Variants in PALLD observed in about 807,000 individuals in gnomAD.
PALLD encodes palladin.
PALLD carries 61 observed loss-of-function variants against 123.5 expected under a neutral mutation model. The observed-to-expected ratio is 0.49, with a 90% CI of 0.40 to 0.61. The LOEUF is 0.61. Among genes scored for constraint, PALLD ranks in the 20% least tolerant of loss-of-function variants. PALLD has a pLI of 0.00. For synonymous variants in PALLD, 465 were observed against 496.4 expected (o/e 0.94, Z 0.84); for missense variants, 1,273 against 1,377.0 (o/e 0.92, Z 1.20).
At chr4:168,551,077 A>G (rs1766681525) in intron 2 of PALLD, among the ~76,000 whole-genome samples, 1 of 152,198 alleles carries the variant, frequency 6.6e-6, no homozygotes, top group Non-Finnish European at 1.5e-5. Flanking sequence ...TATAATTTTT[A>G]TACCCCTGAA....
chr4:168,889,506 A>T (rs1753860094), intron 10 of PALLD, among the ~76,000 whole-genome samples: 1 of 152,048 alleles, frequency 6.6e-6, no homozygotes, highest in Admixed American at 6.6e-5. Context: ...ATCATGAACT[A>T]TGTAATATAA....
chr4:168,609,020 C>T (rs1332532956), intron 2 of PALLD, among the ~76,000 whole-genome samples: 2 of 152,034 alleles, frequency 1.3e-5, no homozygotes, highest in African/African-American at 4.8e-5. Flanking sequence ...AGAATTATCT[C>T]CAAGGCCTTA....
intron 10 of PALLD, among the ~76,000 whole-genome samples, chr4:168,785,818 G>A (rs1478062083): frequency 1.5e-5 from 2 of 133,138 alleles, no homozygotes; most frequent in Non-Finnish European, 3.3e-5. Context: ...AGGGAGAGGG[G>A]ACAGAGTCAG....
intron 2 of PALLD, among the ~76,000 whole-genome samples, chr4:168,551,699 AC>A (rs1766749226): frequency 1.3e-5 from 2 of 152,070 alleles, no homozygotes; most frequent in African/African-American, 4.8e-5. Context: ...TAAAAAAAAA[AC>A]AAAACAGGCA....
intron 2 of PALLD, among the ~76,000 whole-genome samples, chr4:168,612,159 C>CAAAAAT (rs754060307): frequency 7.1e-6 from 1 of 140,962 alleles, no homozygotes; most frequent in Non-Finnish European, 1.5e-5. Context: ...GACCCTGTCT[C>CAAAAAT]AAAAATAAAA....
chr4:168,753,386 C>T (rs1158456957), intron 10 of PALLD, among the ~76,000 whole-genome samples: 1 of 150,914 alleles, frequency 6.6e-6, no homozygotes, highest in African/African-American at 2.4e-5. Context: ...TTGTCTCTCT[C>T]TCTCCCCCGA....
At chr4:168,899,873 G>A (rs1223827820) in intron 14 of PALLD, among the ~76,000 whole-genome samples, 2 of 150,594 alleles carry the variant, frequency 1.3e-5, no homozygotes, top group Non-Finnish European at 2.9e-5. Flanking sequence ...CCAAGATCGC[G>A]CCATTGCACT....
intron 2 of PALLD, among the ~76,000 whole-genome samples, chr4:168,549,952 T>C (rs1277692147): frequency 6.6e-6 from 1 of 152,252 alleles, no homozygotes; most frequent in Non-Finnish European, 1.5e-5. Context: ...TGTAGAATTA[T>C]ATTATTTACA....
intron 10 of PALLD, among the ~76,000 whole-genome samples, chr4:168,773,778 C>T (rs1734770388): frequency 6.6e-6 from 1 of 152,092 alleles, no homozygotes; most frequent in African/African-American, 2.4e-5. Flanking sequence ...CACCCGGCCT[C>T]CCCACCCACC....
intron 2 of PALLD, among the ~76,000 whole-genome samples, chr4:168,515,619 G>T (rs1450065574): frequency 6.6e-6 from 1 of 152,202 alleles, no homozygotes; most frequent in Non-Finnish European, 1.5e-5. Flanking sequence ...CAATGGAAAG[G>T]TCCAGGCTGA....
chr4:168,688,089 T>A (rs1404067602), intron 6 of PALLD, among the ~76,000 whole-genome samples: 2 of 152,162 alleles, frequency 1.3e-5, no homozygotes, highest in African/African-American at 4.8e-5. Flanking sequence ...CTGTCTCTGA[T>A]TTGCAGGGTC....
At chr4:168,660,317 A>G (rs1005763839) in intron 2 of PALLD, among the ~76,000 whole-genome samples, 3 of 152,116 alleles carry the variant, frequency 2.0e-5, no homozygotes, top group Non-Finnish European at 2.9e-5. Flanking sequence ...TCCCTAACCA[A>G]AAAGGCCCTA....
At chr4:168,538,281 C>G (rs1311162001) in intron 2 of PALLD, among the ~76,000 whole-genome samples, 2 of 152,178 alleles carry the variant, frequency 1.3e-5, no homozygotes, top group East Asian at 3.9e-4. Flanking sequence ...CAATCCACTT[C>G]CTTTTTTCTA....
At chr4:168,515,020 C>T (rs2149437172) in intron 2 of PALLD, among the ~76,000 whole-genome samples, 1 of 152,294 alleles carries the variant, frequency 6.6e-6, no homozygotes, top group Admixed American at 6.5e-5. Context: ...ACAAATTATG[C>T]CCTTCTAGAA....
chr4:168,810,823 AAAAG>A lies in PALLD; in HGVS notation c.1965-80095_1965-80092del, dbSNP rs1284434969. Reference sequence around the variant, plus strand: ...GAGCGAGACTCCGTCTCAAAAAAAAAAAAGAAAAAAAAAGAAGAAGAAGAAGAAA... The same window carrying A: ...GAGCGAGACTCCGTCTCAAAAAAAAAAAAAAAAAAGAAGAAGAAGAAGAAA... On this transcript the variant is annotated intron_variant, in intron 10 of 21. Coordinates refer to ENST00000505667, the MANE Select transcript of PALLD (RefSeq NM_001166108.2). 4.1e-3 allele frequency among the ~76,000 whole-genome samples: 483 copies of A among 116,480 alleles called. 14 individuals carry two copies. Among genetic ancestry groups the A allele is most frequent in the African/African-American group, 0.014 (372 of 25,764 alleles). The allele number at this position is 116,480 out of a possible 152,430, so 76.4% of individuals were successfully genotyped here.
At chr4:168,671,372 A>T (rs533180501) in intron 3 of PALLD, among the ~76,000 whole-genome samples, 1 of 152,328 alleles carries the variant, frequency 6.6e-6, no homozygotes, top group Non-Finnish European at 1.5e-5. Context: ...CGTATCTTTC[A>T]TGTTCGGGAC....
intron 10 of PALLD, among the ~76,000 whole-genome samples, chr4:168,860,904 T>C (rs1365269379): frequency 6.6e-6 from 1 of 152,218 alleles, no homozygotes; most frequent in Non-Finnish European, 1.5e-5. Context: ...GAGAATTTCA[T>C]TATTTGAAAA....
At chr4:168,806,287 C>T (rs966246329) in intron 10 of PALLD, among the ~76,000 whole-genome samples, 1 of 152,208 alleles carries the variant, frequency 6.6e-6, no homozygotes, top group African/African-American at 2.4e-5. Flanking sequence ...TGGTCTCAAA[C>T]TCCTGACTTC....
intron 14 of PALLD, among the ~76,000 whole-genome samples, chr4:168,900,209 C>T (rs145589670): frequency 0.011 from 1,726 of 152,250 alleles, 48 homozygotes; most frequent in African/African-American, 0.039. Context: ...CCCATGATCC[C>T]GTCACCTCCC....
Sources: gnomAD v4.1 joint callset for allele counts (sites outside exome capture counted in the v4.1 genomes callset) on GRCh38, gnomAD v4.1.1 for gene constraint, MANE v1.5 for transcripts, NCBI Gene and HGNC (gene_info 2026-07-23, HGNC 2026-07-21) for gene names.